Variants in HDX observed in about 807,000 individuals in gnomAD.
HDX encodes the protein chromosome X open reading frame 43.
In HDX, 19 loss-of-function variants were observed where a neutral mutation model predicts 45.2. The observed-to-expected ratio is 0.42, with a 90% CI of 0.29 to 0.62. The LOEUF (loss-of-function observed/expected upper bound fraction) is 0.62. Among genes scored for constraint, HDX ranks in the 20% least tolerant of loss-of-function variants. The probability of loss-of-function intolerance (pLI) is 0.20; values close to 1 mark genes in which losing one functional copy is unlikely to be tolerated. For synonymous variants in HDX, 188 were observed against 172.8 expected (o/e 1.09, Z -0.69); for missense variants, 532 against 493.9 (o/e 1.08, Z -0.73).
intron 5 of HDX, among the ~76,000 whole-genome samples, chrX:84,397,562 T>A (rs1042467970): frequency 9.0e-6 from 1 of 110,702 alleles, no homozygotes. Context: ...CATTTGGGAG[T>A]CTCACCAGTC....
intron 7 of HDX, among the ~76,000 whole-genome samples, chrX:84,342,362 T>C (rs2037104217): frequency 9.0e-6 from 1 of 111,574 alleles, no homozygotes; most frequent in African/African-American, 3.3e-5. Context: ...CAAGAATCAA[T>C]ATACTACAAA....
At chrX:84,339,229 G>A (rs908962816) in intron 7 of HDX, among the ~76,000 whole-genome samples, 1 of 111,321 alleles carries the variant, frequency 9.0e-6, no homozygotes, top group Non-Finnish European at 1.9e-5. Flanking sequence ...AGACAGAGGA[G>A]CCTTTACCTA....
chrX:84,334,418 C>A (rs2036911243), intron 8 of HDX, among the ~76,000 whole-genome samples: 1 of 108,964 alleles, frequency 9.2e-6, no homozygotes, highest in Admixed American at 9.9e-5. Flanking sequence ...AGAGTAACAG[C>A]CAGGATGAGG....
chrX:84,479,359 A>G, intron 2 of HDX, among the ~76,000 whole-genome samples: 1 of 112,004 alleles, frequency 8.9e-6, no homozygotes, highest in South Asian at 3.7e-4. Context: ...AGAGCATTTG[A>G]GATAAATCTG....
intron 1 of HDX, among the ~76,000 whole-genome samples, chrX:84,492,028 A>G (rs1419741553): frequency 9.0e-6 from 1 of 110,817 alleles, no homozygotes; most frequent in Non-Finnish European, 1.9e-5. Context: ...TCACTGTGCA[A>G]TGTTCTCTCC....
At chrX:84,336,677 A>G (rs2036970651) in intron 8 of HDX, 124 bp downstream of exon 8, 1 of 465,113 alleles carries the variant, frequency 2.2e-6, no homozygotes. Context: ...CATTGGAAAG[A>G]GGTCTGTTTT....
chrX:84,346,320 C>T (rs934264632), intron 6 of HDX, among the ~76,000 whole-genome samples: 5 of 110,981 alleles, frequency 4.5e-5, no homozygotes, highest in Non-Finnish European at 7.6e-5. Context: ...TTACATTAAA[C>T]ATTGTTTAAC....
At chrX:84,362,488 A>G (rs1413246252) in intron 5 of HDX, among the ~76,000 whole-genome samples, 1 of 110,587 alleles carries the variant, frequency 9.0e-6, no homozygotes, top group Non-Finnish European at 1.9e-5. Context: ...AGGTGGTGGA[A>G]AAATCTAAAC....
At chrX:84,354,095 T>C (rs1316054298) in intron 6 of HDX, among the ~76,000 whole-genome samples, 1 of 111,823 alleles carries the variant, frequency 8.9e-6, no homozygotes, top group Non-Finnish European at 1.9e-5. Context: ...ACAAGTTATT[T>C]TATCACTCTA....
At chrX:84,440,502 A>C (rs2039736982) in intron 5 of HDX, 30 bp downstream of exon 5, 1 of 1,056,008 alleles carries the variant, frequency 9.5e-7, no homozygotes, top group Admixed American at 2.3e-5. Flanking sequence ...GGGGAAACCC[A>C]TTTGCTGCTT....
chrX:84,487,087 G>A lies in HDX; in HGVS notation c.-1+937C>T, dbSNP rs575687848. 7.4e-4 allele frequency among the ~76,000 whole-genome samples: 82 copies of A among 111,485 alleles called. No individual in the cohort carries two copies. In the South Asian group the frequency reaches 0.029, roughly 39 times the overall value. ...TGATTTATCTTAAAGTTCACTGACT[G>A]TTTCCACTGTCTTCATCATTCTCTT... On this transcript the variant is annotated intron_variant, in intron 2 of 10. Transcript: ENST00000373177.
At chrX:84,388,874 G>A (rs1460845061) in intron 5 of HDX, among the ~76,000 whole-genome samples, 4 of 111,515 alleles carry the variant, frequency 3.6e-5, no homozygotes, top group African/African-American at 1.3e-4. Flanking sequence ...GCTTTTGAAG[G>A]TAAGGGACAC....
intron 4 of HDX, among the ~76,000 whole-genome samples, chrX:84,449,949 C>T (rs11092238): frequency 0.44 from 47,528 of 107,063 alleles, 8,590 homozygotes; most frequent in Middle Eastern, 0.64. Context: ...ACACACCGGG[C>T]CTGTTGTGGG....
At chrX:84,384,437 A>T (rs755436338) in intron 5 of HDX, among the ~76,000 whole-genome samples, 1 of 110,436 alleles carries the variant, frequency 9.1e-6, no homozygotes, top group South Asian at 3.9e-4. Context: ...TGTAGTATGC[A>T]CAGTTTGTGA....
At chrX:84,461,725 G>A (rs912661079) in intron 4 of HDX, among the ~76,000 whole-genome samples, 6 of 111,215 alleles carry the variant, frequency 5.4e-5, no homozygotes, top group South Asian at 3.7e-4. Flanking sequence ...AAAGTGAAGA[G>A]ACAACACACA....
chrX:84,384,787 C>G (rs2038269454), intron 5 of HDX, among the ~76,000 whole-genome samples: 1 of 110,451 alleles, frequency 9.1e-6, no homozygotes, highest in African/African-American at 3.3e-5. Flanking sequence ...ATAGGGAGTA[C>G]TTTTCCTATT....
intron 4 of HDX, among the ~76,000 whole-genome samples, chrX:84,447,645 C>A (rs1259530042): frequency 9.0e-6 from 1 of 110,949 alleles, no homozygotes; most frequent in Non-Finnish European, 1.9e-5. Context: ...AGAGGCCAGT[C>A]CCTACCGGAT....
intron 5 of HDX, among the ~76,000 whole-genome samples, chrX:84,390,943 A>G (rs1401723962): frequency 8.9e-6 from 1 of 112,000 alleles, no homozygotes; most frequent in Non-Finnish European, 1.9e-5. Context: ...TGGAGTATTT[A>G]TCGCTTCTCT....
At position 84,494,077 on chromosome X, in the gene HDX, C is replaced by CA. The variant is rs769966011; in HGVS notation, c.-109-5946dup. Among the ~76,000 whole-genome samples the CA allele has an allele frequency of 2.2e-3, 241 of 111,215 alleles. 7 individuals carry two copies. The East Asian group carries it at 0.062, about 29-fold the overall frequency. On this transcript the variant is annotated intron_variant, in intron 1 of 10. Coordinates refer to ENST00000373177, the MANE Select transcript of HDX (RefSeq NM_001177479.2). ...TTCAAATGGATAAACAGCTGAATGA[C>CA]AAAAACATAAATAGGGACTCAACTG...
Sources: allele counts gnomAD v4.1 joint callset (sites outside exome capture counted in the v4.1 genomes callset), GRCh38; gene constraint gnomAD v4.1.1; transcripts MANE v1.5; gene names NCBI Gene and HGNC (gene_info 2026-07-23, HGNC 2026-07-21).